Variants in COL23A1 observed in about 807,000 individuals in gnomAD.
COL23A1 encodes the protein collagen type XXIII alpha 1 chain, also known as collagen alpha-1(XXIII) chain.
Under a neutral mutation model 99.3 loss-of-function variants are expected in COL23A1, and 97 were observed. The ratio of observed to expected loss-of-function variants is 0.98; its 90% CI spans 0.83 to 1.16. The LOEUF is 1.16. COL23A1 is among the 50% of genes most tolerant of loss of function. The pLI, the probability that COL23A1 is intolerant of heterozygous loss-of-function variation, is 0.00. For synonymous variants in COL23A1, 320 were observed against 308.2 expected (o/e 1.04, Z -0.40); for missense variants, 762 against 757.4 (o/e 1.01, Z -0.07).
At position 178,308,652 on chromosome 5, in the gene COL23A1, C is replaced by T. The variant is rs965273780; in HGVS notation, c.362-1733G>A. On this transcript the variant is annotated intron_variant, in intron 2 of 28. Coordinates refer to ENST00000390654, the MANE Select transcript of COL23A1 (RefSeq NM_173465.4). This position sits in a 1 kb window ranked among gnomAD's most constrained non-coding sequence, Gnocchi z 5.1. Reference sequence around the variant, plus strand: ...CCGGCCAATTACCTTCCTATCTCCACGTGCTTGTCCCACCAGCATCTCAGA... The same window carrying T: ...CCGGCCAATTACCTTCCTATCTCCATGTGCTTGTCCCACCAGCATCTCAGA... Among the ~76,000 whole-genome samples the T allele has an allele frequency of 5.3e-5, 8 of 152,206 alleles. No individual in the cohort carries two copies. In the East Asian group the frequency reaches 7.7e-4, roughly 15 times the overall value.
Position 178,565,800 on chromosome 5 carries a change from C to CCTAT in COL23A1, c.295-5056_295-5053dup, listed in dbSNP as rs140987702. On this transcript the variant is annotated intron_variant, in intron 1 of 28. Coordinates refer to ENST00000390654, the MANE Select transcript of COL23A1 (RefSeq NM_173465.4). ...ACAACCTCTGCTCTCAAGTAATGTT[C>CCTAT]CTATCTACAAACATTCTTTAAAGCT... is the stretch of plus-strand genomic sequence containing the variant. Among the ~76,000 whole-genome samples, 429 of 151,994 alleles carry CCTAT rather than the reference C, an allele frequency of 2.8e-3. 3 individuals are homozygous for CCTAT. The East Asian group carries it at 0.029, about 10-fold the overall frequency.
At chr5:178,422,873 A>G (rs1403356922) in intron 2 of COL23A1, among the ~76,000 whole-genome samples, 1 of 152,174 alleles carries the variant, frequency 6.6e-6, no homozygotes, top group Non-Finnish European at 1.5e-5. Context: ...TCCTTGACTT[A>G]ATGATGATGT....
chr5:178,337,101 G>C (rs1249512625), intron 2 of COL23A1, among the ~76,000 whole-genome samples: 1 of 152,234 alleles, frequency 6.6e-6, no homozygotes, highest in African/African-American at 2.4e-5. Flanking sequence ...GGGGCCTGCG[G>C]AGGACATCAG....
At position 178,391,348 on chromosome 5, in the gene COL23A1, G is replaced by T. The variant is rs899146866; in HGVS notation, c.362-84429C>A. ...GAAAATATTTGCAAATCATATATCC[G>T]ATAAGGGACCTGTAACTATAATACG... On this transcript the variant is annotated intron_variant, in intron 2 of 28. Coordinates refer to ENST00000390654, the MANE Select transcript of COL23A1 (RefSeq NM_173465.4). 7.2e-5 allele frequency among the ~76,000 whole-genome samples: 11 copies of T among 152,204 alleles called. No homozygotes were observed. In the South Asian group the frequency reaches 8.3e-4, roughly 11 times the overall value.
rs571994946 is a variant in COL23A1, at chr5:178,371,557, G to A, written c.362-64638C>T. Reference sequence around the variant, plus strand: ...CCCTGAACACTGGACACGCGGCGACGGGCCTGAGCCTCCCTCAGGGGCACT... The same window carrying A: ...CCCTGAACACTGGACACGCGGCGACAGGCCTGAGCCTCCCTCAGGGGCACT... On this transcript the variant is annotated intron_variant, in intron 2 of 28. Transcript: ENST00000390654. Among the ~76,000 whole-genome samples, 5 of 152,270 alleles carry A rather than the reference G, an allele frequency of 3.3e-5. No individual in the cohort carries two copies. The South Asian group carries it at 8.3e-4, about 25-fold the overall frequency.
At chr5:178,261,018 C>T (rs903535553) in intron 11 of COL23A1, among the ~76,000 whole-genome samples, 1 of 130,428 alleles carries the variant, frequency 7.7e-6, no homozygotes, top group African/African-American at 3.1e-5. Context: ...ACAGGTGGGT[C>T]ATCTGTAGCA....
chr5:178,488,810 G>T lies in COL23A1; in HGVS notation c.361+71872C>A, dbSNP rs190974470. Reference sequence around the variant, plus strand: ...TCTGGAGCTCCGTGAGGGTAGCTAAGGAAGCAAATGGGATGGGCTCTGCCA... The same window carrying T: ...TCTGGAGCTCCGTGAGGGTAGCTAATGAAGCAAATGGGATGGGCTCTGCCA... On this transcript the variant is annotated intron_variant, in intron 2 of 28. Transcript: ENST00000390654. Among the ~76,000 whole-genome samples, 207 of 152,316 alleles carry T rather than the reference G, an allele frequency of 1.4e-3. 1 individual carries two copies. The highest frequency in any genetic ancestry group is 2.5e-3 in the Non-Finnish European group (171 of 68,032).
chr5:178,432,983 G>A (rs1766346574), intron 2 of COL23A1, among the ~76,000 whole-genome samples: 1 of 152,092 alleles, frequency 6.6e-6, no homozygotes, highest in African/African-American at 2.4e-5. Context: ...GGACTGCTGA[G>A]ACCATGGTAG....
At chr5:178,248,642 GGA>G (rs1352667283) in intron 19 of COL23A1, among the ~76,000 whole-genome samples, 1 of 152,128 alleles carries the variant, frequency 6.6e-6, no homozygotes, top group Non-Finnish European at 1.5e-5. Flanking sequence ...AAAATCATGA[GGA>G]CAACAGTGGG....
At chr5:178,272,235 C>T (rs1247912799) in intron 5 of COL23A1, among the ~76,000 whole-genome samples, 1 of 152,214 alleles carries the variant, frequency 6.6e-6, no homozygotes, top group African/African-American at 2.4e-5. Context: ...TGGTTCTGGA[C>T]ACAGCTGGGA....
rs192046408 is a variant in COL23A1 at position 178,477,056 on chromosome 5, C to T, written c.361+83626G>A. Among the ~76,000 whole-genome samples, 3 of 152,292 alleles carry T rather than the reference C, an allele frequency of 2.0e-5. No individual in the cohort carries two copies. The East Asian group carries it at 5.8e-4, about 29-fold the overall frequency. ...ATAGTAGGGTTAACAGAATATGTGG[C>T]TTCGGATATTCTCAGGGGCTGTGGA... is the stretch of plus-strand genomic sequence containing the variant. On this transcript the variant is annotated intron_variant, in intron 2 of 28. Transcript: ENST00000390654.
chr5:178,368,497 C>G (rs1261031927), intron 2 of COL23A1, among the ~76,000 whole-genome samples: 2 of 152,192 alleles, frequency 1.3e-5, no homozygotes, highest in African/African-American at 2.4e-5. Flanking sequence ...AGCATACATC[C>G]TGTGGGTTTG....
intron 2 of COL23A1, among the ~76,000 whole-genome samples, chr5:178,348,556 C>G (rs1761122777): frequency 6.6e-6 from 1 of 152,222 alleles, no homozygotes; most frequent in African/African-American, 2.4e-5. Context: ...AGCAGGCATA[C>G]CCTCACAGCG....
intron 2 of COL23A1, among the ~76,000 whole-genome samples, chr5:178,538,006 C>G (rs1006790178): frequency 1.3e-5 from 2 of 152,218 alleles, no homozygotes; most frequent in African/African-American, 2.4e-5. Context: ...CTGGCTTAGT[C>G]GAATTCATCC....
intron 1 of COL23A1, among the ~76,000 whole-genome samples, chr5:178,574,852 C>G (rs1340637748): frequency 1.3e-5 from 2 of 152,200 alleles, no homozygotes; most frequent in Admixed American, 6.5e-5. Context: ...AAACCAGAGT[C>G]CCTTCTCCAG....
intron 2 of COL23A1, among the ~76,000 whole-genome samples, chr5:178,551,720 C>T (rs1370646094): frequency 3.3e-5 from 5 of 152,182 alleles, no homozygotes; most frequent in Non-Finnish European, 7.4e-5. Context: ...TTAGGGGATG[C>T]TGCAGTGAAC....
chr5:178,371,259 C>A (rs1487014624), intron 2 of COL23A1, among the ~76,000 whole-genome samples: 1 of 152,208 alleles, frequency 6.6e-6, no homozygotes, highest in East Asian at 1.9e-4. Context: ...CCAAATATCT[C>A]CACTTCCCTA....
chr5:178,341,022 G>T (rs1251861324), intron 2 of COL23A1, among the ~76,000 whole-genome samples: 1 of 152,216 alleles, frequency 6.6e-6, no homozygotes, highest in Non-Finnish European at 1.5e-5. Flanking sequence ...AGTCCCTTGA[G>T]CTGAGACAAT....
At chr5:178,433,372 G>A (rs1214462757) in intron 2 of COL23A1, among the ~76,000 whole-genome samples, 3 of 152,198 alleles carry the variant, frequency 2.0e-5, no homozygotes, top group Non-Finnish European at 4.4e-5. Flanking sequence ...GCAGTGTCTA[G>A]GGCGGTCCTG....
Sources: allele counts gnomAD v4.1 joint callset (sites outside exome capture counted in the v4.1 genomes callset), GRCh38; gene constraint gnomAD v4.1.1; non-coding constraint Gnocchi (gnomAD v3.1); transcripts MANE v1.5; gene names NCBI Gene and HGNC (gene_info 2026-07-23, HGNC 2026-07-21).